The following TENM2 variants were observed in gnomAD, a reference collection of about 807,000 sequenced individuals.
TENM2 encodes teneurin transmembrane protein 2.
In TENM2, 52 loss-of-function variants were observed where a neutral mutation model predicts 245.2. The ratio of observed to expected loss-of-function variants is 0.21; its 90% CI spans 0.17 to 0.27. The LOEUF (loss-of-function observed/expected upper bound fraction) is 0.27, where lower values mean the gene tolerates loss of function less well. Ranked by LOEUF, TENM2 falls within the 10% of genes least tolerant of loss-of-function variation. The pLI, the probability that TENM2 is intolerant of heterozygous loss-of-function variation, is 1.00. For synonymous variants in TENM2, 1,363 were observed against 1,438.9 expected (o/e 0.95, Z 1.19); for missense variants, 3,046 against 3,666.8 (o/e 0.83, Z 4.37).
chr5:167,607,263 A>T (rs575383225), intron 2 of TENM2, among the ~76,000 whole-genome samples: 4 of 152,276 alleles, frequency 2.6e-5, no homozygotes, highest in Admixed American at 1.3e-4. Context: ...GACTGGGAAA[A>T]CAGAGACTGA....
the TENM2 span, among the ~76,000 whole-genome samples, chr5:167,029,669 G>A: frequency 6.6e-6 from 1 of 152,184 alleles, no homozygotes; most frequent in East Asian, 1.9e-4. Flanking sequence ...GCTGTTGCCA[G>A]GGACAACAGA....
chr5:168,053,480 A>G (rs1789282971), intron 6 of TENM2, among the ~76,000 whole-genome samples: 1 of 152,208 alleles, frequency 6.6e-6, no homozygotes, highest in South Asian at 2.1e-4. Context: ...TACCTGTGGT[A>G]TACCTCTGAT....
chr5:167,387,061 G>T (rs1183645271), intron 2 of TENM2, among the ~76,000 whole-genome samples: 1 of 152,108 alleles, frequency 6.6e-6, no homozygotes, highest in Non-Finnish European at 1.5e-5. Context: ...GTGATATTTT[G>T]ATGGGAATTG....
At chr5:167,847,632 C>A (rs1204717686) in intron 2 of TENM2, among the ~76,000 whole-genome samples, 1 of 152,238 alleles carries the variant, frequency 6.6e-6, no homozygotes, top group Non-Finnish European at 1.5e-5. Flanking sequence ...GTTAGCGCAT[C>A]TCCACCATTT....
At chr5:168,046,276 C>CCA (rs1315907662) in intron 5 of TENM2, among the ~76,000 whole-genome samples, 2 of 152,178 alleles carry the variant, frequency 1.3e-5, no homozygotes, top group Non-Finnish European at 2.9e-5. Context: ...TCTCCCATCC[C>CCA]CACATCAGAC....
chr5:167,882,876 T>G (rs544103809), intron 3 of TENM2, among the ~76,000 whole-genome samples: 1 of 152,166 alleles, frequency 6.6e-6, no homozygotes, highest in Non-Finnish European at 1.5e-5. Context: ...CCCTATCTGA[T>G]TAGATTGAGC....
intron 5 of TENM2, among the ~76,000 whole-genome samples, chr5:167,998,630 T>A (rs1784223391): frequency 6.6e-6 from 1 of 152,188 alleles, no homozygotes; most frequent in Non-Finnish European, 1.5e-5. Flanking sequence ...TAAGAGCATT[T>A]ATGTCATCCT....
intron 25 of TENM2, among the ~76,000 whole-genome samples, chr5:168,243,403 C>T (rs1004785096): frequency 6.6e-6 from 1 of 152,142 alleles, no homozygotes; most frequent in Non-Finnish European, 1.5e-5. Context: ...ATCCCCTAGC[C>T]CTGCTGAGGC....
chr5:167,029,417 T>C, the TENM2 span, among the ~76,000 whole-genome samples: 3 of 152,178 alleles, frequency 2.0e-5, no homozygotes, highest in African/African-American at 4.8e-5. Context: ...TAAGGTGAAA[T>C]TGATGCTTTA....
chr5:168,256,672 G>C (rs571800514), intron 27 of TENM2, among the ~76,000 whole-genome samples: 1 of 152,032 alleles, frequency 6.6e-6, no homozygotes, highest in Non-Finnish European at 1.5e-5. Flanking sequence ...TGATCCACCC[G>C]CCTCGGCCTC....
intron 12 of TENM2, among the ~76,000 whole-genome samples, chr5:168,132,243 C>A (rs1754655543): frequency 6.6e-6 from 1 of 152,184 alleles, no homozygotes; most frequent in Non-Finnish European, 1.5e-5. Flanking sequence ...TTACAAGCAG[C>A]AAGAGTCTCA....
chr5:168,077,499 A>G (rs1481334428), intron 7 of TENM2, among the ~76,000 whole-genome samples: 1 of 151,964 alleles, frequency 6.6e-6, no homozygotes, highest in Non-Finnish European at 1.5e-5. Context: ...ACATAAGTAT[A>G]CATGTGCCAT....
intron 1 of TENM2, among the ~76,000 whole-genome samples, chr5:167,308,602 C>A (rs1026213847): frequency 6.6e-6 from 1 of 152,176 alleles, no homozygotes; most frequent in South Asian, 2.1e-4. Flanking sequence ...TCAGGCCGCA[C>A]TGCCCAGCAG....
intron 6 of TENM2, among the ~76,000 whole-genome samples, chr5:168,059,066 G>A (rs1186494433): frequency 5.9e-5 from 9 of 152,174 alleles, no homozygotes; most frequent in Admixed American, 5.2e-4. Flanking sequence ...TAGTGAATGG[G>A]ATGAGGAAGC....
At chr5:168,062,034 C>T (rs763885656) in intron 6 of TENM2, 26 bp from the exon 9 acceptor site, 1 of 1,548,176 alleles carries the variant, frequency 6.5e-7, no homozygotes. Context: ...TCATTGACTG[C>T]TGTTTATTCC....
At chr5:167,081,567 G>C in the TENM2 span, among the ~76,000 whole-genome samples, 1 of 152,120 alleles carries the variant, frequency 6.6e-6, no homozygotes, top group Admixed American at 6.6e-5. Flanking sequence ...AGAAAGCAAA[G>C]GAGAAAGCAT....
At chr5:167,125,662 C>A in the TENM2 span, among the ~76,000 whole-genome samples, 1 of 152,142 alleles carries the variant, frequency 6.6e-6, no homozygotes, top group Admixed American at 6.5e-5. Flanking sequence ...TAGATATATA[C>A]ACACGCATAT....
chr5:167,822,939 A>G (rs1175832889), intron 2 of TENM2, among the ~76,000 whole-genome samples: 1 of 152,250 alleles, frequency 6.6e-6, no homozygotes, highest in Non-Finnish European at 1.5e-5. Flanking sequence ...TTAGGTGATA[A>G]ACGTTTTATT....
Position 168,116,348 on chromosome 5 carries a change from C to T in TENM2, c.1814-1944C>T, listed in dbSNP as rs544223354. 1.8e-4 allele frequency among the ~76,000 whole-genome samples: 27 copies of T among 152,192 alleles called. No individual in the cohort carries two copies. In the South Asian group the frequency reaches 5.4e-3, roughly 30 times the overall value. On this transcript the variant is annotated intron_variant, in intron 9 of 28. Coordinates refer to ENST00000518659, the Ensembl canonical transcript of TENM2. ...CGCCCCCAGTAGTTATGGCAACTGT[C>T]CTATTATAAAGCATTTTGAGGGGAA...
Sources: allele counts gnomAD v4.1 joint callset (sites outside exome capture counted in the v4.1 genomes callset), GRCh38; gene constraint gnomAD v4.1.1; transcripts MANE v1.5; gene names NCBI Gene and HGNC (gene_info 2026-07-23, HGNC 2026-07-21).